The following TEX29 variants were observed in gnomAD, a reference collection of about 807,000 sequenced individuals.
TEX29 encodes testis-expressed protein 29.
TEX29 carries 26 observed loss-of-function variants against 18.2 expected under a neutral mutation model. The observed-to-expected ratio is 1.43, with a 90% confidence interval of 1.04 to 1.98. The LOEUF (loss-of-function observed/expected upper bound fraction) is 1.98, where lower values mean the gene tolerates loss of function less well. Ranked by LOEUF, TEX29 falls within the 30% of genes most tolerant of loss-of-function variation. The pLI, the probability that TEX29 is intolerant of heterozygous loss-of-function variation, is 0.00. For synonymous variants in TEX29, 83 were observed against 78.5 expected (o/e 1.06, Z -0.31); for missense variants, 177 against 194.2 (o/e 0.91, Z 0.53).
At chr13:111,316,293 A>T, upstream of TEX29, 1 of 477,732 alleles carries the variant, frequency 2.1e-6, no homozygotes, top group Non-Finnish European at 4.2e-6. Context: ...GAAATTAGGG[A>T]TGACATCCTA....
chr13:111,337,304 T>C (rs1348601994), intron 3 of TEX29, among the ~76,000 whole-genome samples: 2 of 152,184 alleles, frequency 1.3e-5, no homozygotes, highest in Non-Finnish European at 2.9e-5. Flanking sequence ...GTGGTCAAGA[T>C]GCCAAGTGAG....
chr13:111,343,576 G>T (rs1189733722), intron 5 of TEX29, among the ~76,000 whole-genome samples: 1 of 152,238 alleles, frequency 6.6e-6, no homozygotes. Flanking sequence ...GGCCCTTGGA[G>T]GTTGCCGGTT....
At chr13:111,342,314 G>C (rs1353360224) in intron 4 of TEX29, among the ~76,000 whole-genome samples, 1 of 152,210 alleles carries the variant, frequency 6.6e-6, no homozygotes, top group African/African-American at 2.4e-5. Context: ...GTAGCCTGCA[G>C]TGCAACACAC....
At chr13:111,333,743 T>G (rs113409052) in intron 3 of TEX29, among the ~76,000 whole-genome samples, 15,063 of 151,368 alleles carry the variant, frequency 0.1, 855 homozygotes, top group South Asian at 0.13. Context: ...AAGGCAAAGG[T>G]GAAGCAAGAC....
chr13:111,321,674 G>A (rs530053133), intron 2 of TEX29, among the ~76,000 whole-genome samples: 25 of 151,654 alleles, frequency 1.6e-4, no homozygotes, highest in African/African-American at 5.1e-4. Context: ...TGTAATCCCA[G>A]CACTTTGAGA....
At chr13:111,329,187 G>T (rs922193826) in intron 3 of TEX29, among the ~76,000 whole-genome samples, 1 of 152,102 alleles carries the variant, frequency 6.6e-6, no homozygotes, top group Admixed American at 6.5e-5. Flanking sequence ...GTGGGGAGGG[G>T]TGGACAGCAG....
At chr13:111,320,978 T>TGGGG in intron 2 of TEX29, 30 bp downstream of exon 2, 6 of 152,324 alleles carry the variant, frequency 3.9e-5, no homozygotes, top group Non-Finnish European at 5.5e-5. Context: ...GGGGGGCGGG[T>TGGGG]GGGGTGGGGG....
At chr13:111,342,414 T>C (rs1013892607) in intron 4 of TEX29, among the ~76,000 whole-genome samples, 9 of 151,830 alleles carry the variant, frequency 5.9e-5, no homozygotes, top group Non-Finnish European at 8.8e-5. Flanking sequence ...AAAATGAGGC[T>C]GGATGTGGTG....
At position 111,339,965 on chromosome 13, in the gene TEX29, GGAGGA is replaced by G; in HGVS notation, c.239+35_239+39del. On this transcript the variant is annotated intron_variant, in intron 4 of 5. Coordinates refer to ENST00000283547, the MANE Select transcript of TEX29 (RefSeq NM_152324.3). ...CCTTTGTTCTTTACTGGGAGGGTGG[GGAGGA>G]GGGGACTCACCTCTCCTGGCCGCAG... The G allele has an allele frequency of 4.0e-6, 6 of 1,487,126 alleles. 1 individual carries two copies. The African/African-American group carries it at 5.7e-5, about 14-fold the overall frequency. 92.1% of individuals were successfully genotyped at this position (1,487,126 alleles called of 1,614,324 possible).
chr13:111,327,030 C>T (rs1171555539), intron 2 of TEX29, among the ~76,000 whole-genome samples: 2 of 152,168 alleles, frequency 1.3e-5, no homozygotes, highest in African/African-American at 4.8e-5. Flanking sequence ...TGTGCAGTAC[C>T]TGCCTGCTGC....
rs2093669358 is a variant in TEX29, at chr13:111,324,318, G to A, written c.58+3370G>A. ...CCGCCGGGCAGTGTGGCTTGGAGGT[G>A]TCCCCTGGAGGCCAGCCTGATGCCT... On this transcript the variant is annotated intron_variant, in intron 2 of 5. Transcript: ENST00000283547. 2.0e-5 allele frequency among the ~76,000 whole-genome samples: 3 copies of A among 152,332 alleles called. No homozygotes were observed. The South Asian group carries it at 6.2e-4, about 32-fold the overall frequency.
intron 3 of TEX29, 51 bp downstream of exon 3, chr13:111,328,344 C>T (rs2093677539): frequency 7.9e-7 from 1 of 1,273,454 alleles, no homozygotes; most frequent in Admixed American, 1.7e-5. Context: ...TAGCTGGTGA[C>T]CATGCCGACC....
At chr13:111,316,856 G>GGC (rs1165209240), upstream of TEX29, among the ~76,000 whole-genome samples, 2 of 152,188 alleles carry the variant, frequency 1.3e-5, no homozygotes, top group Non-Finnish European at 2.9e-5. Context: ...TGGCTGAGGA[G>GGC]GCCTCAGGAA....
chr13:111,327,174 TGCCTTGGCAGG>T (rs1210250081), intron 2 of TEX29, among the ~76,000 whole-genome samples: 1 of 152,236 alleles, frequency 6.6e-6, no homozygotes. Context: ...CTGTGCACTC[TGCCTTGGCAGG>T]TGCGGCATCG....
chr13:111,327,064 C>T (rs2093675204), intron 2 of TEX29, among the ~76,000 whole-genome samples: 1 of 152,196 alleles, frequency 6.6e-6, no homozygotes, highest in African/African-American at 2.4e-5. Flanking sequence ...CCGGCCTCCC[C>T]CGACCTCTCC....
intron 3 of TEX29, chr13:111,339,378 C>G: frequency 2.2e-6 from 1 of 455,446 alleles, no homozygotes; most frequent in Non-Finnish European, 4.4e-6. Context: ...CCAGCGCCAT[C>G]TCTCCACGCA....
chr13:111,336,995 C>T (rs2093690483), intron 3 of TEX29, among the ~76,000 whole-genome samples: 1 of 152,196 alleles, frequency 6.6e-6, no homozygotes, highest in Admixed American at 6.5e-5. Context: ...GAATTTATTC[C>T]ATGAGCCAAG....
At chr13:111,339,119 G>A (rs912235820) in intron 3 of TEX29, among the ~76,000 whole-genome samples, 3 of 152,218 alleles carry the variant, frequency 2.0e-5, no homozygotes, top group Non-Finnish European at 2.9e-5. Flanking sequence ...CACTCACGCA[G>A]GGAAACCCAG....
intron 3 of TEX29, among the ~76,000 whole-genome samples, chr13:111,331,598 G>C (rs529870228): frequency 6.6e-6 from 1 of 152,012 alleles, no homozygotes; most frequent in East Asian, 1.9e-4. Context: ...TTTGTTGCTT[G>C]TGCTTTGGTG....
Sources: allele counts gnomAD v4.1 joint callset (sites outside exome capture counted in the v4.1 genomes callset), GRCh38; gene constraint gnomAD v4.1.1; transcripts MANE v1.5; gene names NCBI Gene and HGNC (gene_info 2026-07-23, HGNC 2026-07-21).